PIAS2: variants seen among roughly 807,000 people sequenced by gnomAD.
PIAS2 encodes the protein protein inhibitor of activated STAT 2, also known as E3 SUMO-protein ligase PIAS2.
PIAS2 carries 19 observed loss-of-function variants against 69.7 expected under a neutral mutation model. That is an observed-to-expected ratio of 0.27 (90% CI 0.19 to 0.40). The LOEUF (loss-of-function observed/expected upper bound fraction) is 0.40, where lower values mean the gene tolerates loss of function less well. Ranked by LOEUF, PIAS2 falls within the 10% of genes least tolerant of loss-of-function variation. The pLI is 1.00. For synonymous variants in PIAS2, 261 were observed against 263.2 expected (o/e 0.99, Z 0.08); for missense variants, 624 against 757.0 (o/e 0.82, Z 2.06).
rs1356748686 is a variant in PIAS2 at position 46,803,407 on chromosome 18, T to C, written c.*9026A>G. The C allele has an allele frequency of 2.6e-5, 4 of 152,236 alleles. No homozygotes were observed. Among genetic ancestry groups the C allele is most frequent in the African/African-American group, 4.8e-5 (2 of 41,458 alleles). The allele number at this position is 152,236 out of a possible 1,614,324, so 9.4% of individuals were successfully genotyped here. ...GAAATACTCTATTTTTTGGCCTCTG[T>C]AATACCACGTTATTTTCCTTCAGTC... On this transcript the variant is annotated 3_prime_UTR_variant, in exon 14 of 14. Coordinates refer to ENST00000585916, the MANE Select transcript of PIAS2 (RefSeq NM_004671.5).
upstream of PIAS2, chr18:46,917,568 C>T: frequency 9.2e-7 from 1 of 1,092,134 alleles, no homozygotes; most frequent in Non-Finnish European, 1.1e-6. Context: ...GTGCCCCCTG[C>T]CCACCCGCGC....
At chr18:46,916,579 T>C (rs1276829528) in intron 1 of PIAS2, among the ~76,000 whole-genome samples, 1 of 152,140 alleles carries the variant, frequency 6.6e-6, no homozygotes, top group African/African-American at 2.4e-5. Flanking sequence ...ATTCCAGACC[T>C]CTGCTATACA....
At chr18:46,859,357 GTCAGAGCTTGCAGTGAGCCAAGA>G in intron 3 of PIAS2, among the ~76,000 whole-genome samples, 1 of 147,956 alleles carries the variant, frequency 6.8e-6, no homozygotes, top group Admixed American at 6.8e-5. Flanking sequence ...GAACTCGGGA[GTCAGAGCTTGCAGTGAGCCAAGA>G]TCACGCCACT....
At chr18:46,906,553 TA>T (rs1206544885) in intron 1 of PIAS2, among the ~76,000 whole-genome samples, 2 of 152,278 alleles carry the variant, frequency 1.3e-5, no homozygotes, top group East Asian at 3.9e-4. Flanking sequence ...TGATTTGCTA[TA>T]AAAATAATTT....
At chr18:46,857,228 AT>A (rs141740875) in intron 3 of PIAS2, among the ~76,000 whole-genome samples, 2,831 of 152,244 alleles carry the variant, frequency 0.019, 88 homozygotes, top group African/African-American at 0.064. Context: ...CACTCCACTC[AT>A]TCATATCAAG....
At chr18:46,915,061 C>T (rs2146344774) in intron 1 of PIAS2, 1 of 152,102 alleles carries the variant, frequency 6.6e-6, no homozygotes, top group South Asian at 2.1e-4. Context: ...GCTAGAAGCT[C>T]CACCTAGACC....
At chr18:46,868,857 C>T (rs1426735495) in intron 2 of PIAS2, among the ~76,000 whole-genome samples, 4 of 152,204 alleles carry the variant, frequency 2.6e-5, no homozygotes, top group Non-Finnish European at 5.9e-5. Flanking sequence ...GTCCCCCTGC[C>T]TCACTGTGGT....
At chr18:46,830,696 A>T (rs1029119665) in intron 9 of PIAS2, among the ~76,000 whole-genome samples, 11 of 152,230 alleles carry the variant, frequency 7.2e-5, no homozygotes, top group Non-Finnish European at 1.2e-4. Flanking sequence ...CAAAAGAAAC[A>T]GATAATCTAA....
In PIAS2 at chr18:46,863,904, G is replaced by A. The variant is rs375234392; in HGVS notation, c.584+260C>T. 3.3e-5 allele frequency among the ~76,000 whole-genome samples: 5 copies of A among 152,126 alleles called. No individual in the cohort carries two copies. The East Asian group carries it at 5.8e-4, about 18-fold the overall frequency. On this transcript the variant is annotated intron_variant, in intron 3 of 13. Coordinates refer to ENST00000585916, the MANE Select transcript of PIAS2 (RefSeq NM_004671.5). ...ACAGGGTAGGTCCCCAATCCAATATGACAGTGTCTTTACCAGAAAAGAAAG... is the reference window on the plus strand; with the variant it reads ...ACAGGGTAGGTCCCCAATCCAATATAACAGTGTCTTTACCAGAAAAGAAAG...
chr18:46,875,848 A>C (rs1205279669), intron 2 of PIAS2, among the ~76,000 whole-genome samples: 2 of 152,204 alleles, frequency 1.3e-5, no homozygotes, highest in African/African-American at 2.4e-5. Context: ...CCAGCCGACC[A>C]GGCATGAACT....
chr18:46,840,889 A>G lies in PIAS2; in HGVS notation c.1041+3165T>C, dbSNP rs2045282598. 2.0e-5 allele frequency among the ~76,000 whole-genome samples: 3 copies of G among 152,154 alleles called. No individual in the cohort carries two copies. In the South Asian group the frequency reaches 6.2e-4, roughly 32 times the overall value. ...ATTATCCAAATTCTATTCACTGTAG[A>G]CTAATTACTACCAATCTAAATTAAG... On this transcript the variant is annotated intron_variant, in intron 8 of 13. Coordinates refer to ENST00000585916, the MANE Select transcript of PIAS2 (RefSeq NM_004671.5).
At chr18:46,826,991 AG>A (rs1487606119) in intron 11 of PIAS2, 1 of 152,198 alleles carries the variant, frequency 6.6e-6, no homozygotes, top group East Asian at 1.9e-4. Context: ...AAGAACATGA[AG>A]AAAGTTTTTT....
At chr18:46,871,417 G>A (rs550949905) in intron 2 of PIAS2, among the ~76,000 whole-genome samples, 125 of 152,240 alleles carry the variant, frequency 8.2e-4, no homozygotes, top group African/African-American at 2.9e-3. Flanking sequence ...GACATAGAGA[G>A]ACAAGACCAG....
chr18:46,823,255 T>C (rs1160441247), intron 11 of PIAS2, among the ~76,000 whole-genome samples: 1 of 151,710 alleles, frequency 6.6e-6, no homozygotes. Context: ...ATTTAACCTA[T>C]CGTGTTTTTT....
chr18:46,827,033 T>C (rs1324123239), intron 11 of PIAS2: 4 of 152,170 alleles, frequency 2.6e-5, no homozygotes, highest in African/African-American at 4.8e-5. Flanking sequence ...TACTGAATCA[T>C]GGTGATGATT....
rs1056736427 is a variant in PIAS2 at position 46,816,396 on chromosome 18, C to T, written c.1649-1047G>A. On this transcript the variant is annotated intron_variant, in intron 12 of 13. Coordinates refer to ENST00000585916, the MANE Select transcript of PIAS2 (RefSeq NM_004671.5). The stretch of plus-strand genomic sequence containing the variant: ...TTACAAAAATGCTTATCAAGTGATA[C>T]AAGCTATAGCACCAATCATTTGAAA... 9 of 984,120 alleles carry T rather than the reference C, an allele frequency of 9.1e-6. No homozygotes were observed. In the African/African-American group the frequency reaches 1.6e-4, roughly 17 times the overall value. The allele number at this position is 984,120 out of a possible 1,614,324, so 61.0% of individuals were successfully genotyped here. A position where few individuals can be genotyped will look rare whatever the true frequency, so the allele number is the denominator to read the frequency against.
At chr18:46,885,206 G>A (rs927385236) in intron 2 of PIAS2, among the ~76,000 whole-genome samples, 1 of 152,074 alleles carries the variant, frequency 6.6e-6, no homozygotes, top group Non-Finnish European at 1.5e-5. Context: ...ATATACTAAT[G>A]TATCTTCTTA....
At chr18:46,914,459 T>C (rs558102000) in intron 1 of PIAS2, among the ~76,000 whole-genome samples, 15 of 152,172 alleles carry the variant, frequency 9.9e-5, no homozygotes, top group Admixed American at 9.8e-4. Context: ...TATTCTGCTA[T>C]GACCAGCCAA....
At chr18:46,831,686 A>C (rs2043646383) in intron 9 of PIAS2, among the ~76,000 whole-genome samples, 1 of 152,248 alleles carries the variant, frequency 6.6e-6, no homozygotes, top group Non-Finnish European at 1.5e-5. Flanking sequence ...TAAAAGGTGC[A>C]AAAGCAATTC....
Sources: gnomAD v4.1 joint callset for allele counts (sites outside exome capture counted in the v4.1 genomes callset) on GRCh38, gnomAD v4.1.1 for gene constraint, MANE v1.5 for transcripts, NCBI Gene and HGNC (gene_info 2026-07-23, HGNC 2026-07-21) for gene names.